TREML2: variants seen among roughly 807,000 people sequenced by gnomAD.
TREML2 encodes the protein triggering receptor expressed on myeloid cells like 2.
TREML2 carries 24 observed loss-of-function variants against 25.9 expected under a neutral mutation model. The ratio of observed to expected loss-of-function variants is 0.93; its 90% CI spans 0.67 to 1.30. TREML2 has a LOEUF of 1.30. Among genes scored for constraint, TREML2 ranks in the 50% most tolerant of loss-of-function variants. TREML2 has a pLI of 0.00. For synonymous variants in TREML2, 139 were observed against 155.2 expected, an observed-to-expected ratio of 0.90 and a Z score of 0.77; for missense variants, 359 against 395.6, an observed-to-expected ratio of 0.91 and a Z score of 0.78.
At chr6:41,192,572 C>G (rs889019129) in intron 4 of TREML2, 66 bp from the exon 5 acceptor site, 19 of 1,455,400 alleles carry the variant, frequency 1.3e-5, no homozygotes, top group Non-Finnish European at 1.6e-5. Context: ...TGCTCCTCCA[C>G]CAGCCCCAGC....
Position 41,192,083 on chromosome 6 carries a change from G to C in TREML2, c.*344C>G, listed in dbSNP as rs190411950. The C allele has an allele frequency of 6.5e-4, 186 of 285,144 alleles. 1 individual carries two copies. The highest frequency in any genetic ancestry group is 5.8e-3 in the Middle Eastern group (5 of 866). The allele number at this position is 285,144 out of a possible 1,614,324, so 17.7% of individuals were successfully genotyped here. On this transcript the variant is annotated 3_prime_UTR_variant, in exon 5 of 5. Transcript: ENST00000483722. The stretch of plus-strand genomic sequence containing the variant: ...GCCCAATAGGGTTTCTGAGGCAGAC[G>C]GGAGCTGAGGTTCTCTGTAAACAGC...
In TREML2 at chr6:41,192,230, G is replaced by T; in HGVS notation, c.*197C>A. The T allele has an allele frequency of 1.7e-6, 1 of 590,910 alleles. No individual in the cohort carries two copies. The allele number at this position is 590,910 out of a possible 1,614,324, so 36.6% of individuals were successfully genotyped here. A position where few individuals can be genotyped will look rare whatever the true frequency, so the allele number is the denominator to read the frequency against. ...CCCTTTGCTCTGGGCCCCTCCCCAGGTTCCTGCCCCCAAGGAGAACACTGG... is the reference window on the plus strand; with the variant it reads ...CCCTTTGCTCTGGGCCCCTCCCCAGTTTCCTGCCCCCAAGGAGAACACTGG... On this transcript the variant is annotated 3_prime_UTR_variant, in exon 5 of 5. Coordinates refer to ENST00000483722, the MANE Select transcript of TREML2 (RefSeq NM_024807.4).
At chr6:41,198,694 C>A (rs758337675) in intron 1 of TREML2, among the ~76,000 whole-genome samples, 2 of 152,162 alleles carry the variant, frequency 1.3e-5, no homozygotes, top group Non-Finnish European at 2.9e-5. Context: ...ATGGAGGAGG[C>A]AGGTATATCC....
In TREML2 at chr6:41,198,447, A is replaced by G. The variant is rs749644456; in HGVS notation, c.56-18T>C. The G allele has an allele frequency of 2.2e-5, 35 of 1,592,586 alleles. No homozygotes were observed. In the East Asian group the frequency reaches 2.9e-4, roughly 13 times the overall value. On this transcript the variant is annotated intron_variant, in intron 1 of 4. Transcript: ENST00000483722. The stretch of plus-strand genomic sequence containing the variant: ...AGAGGGGCCTGTGGAGACAATACTT[A>G]TTGAATAAGGTCTGGCAAGAGGAGA...
chr6:41,200,915 C>G, intron 1 of TREML2, 39 bp downstream of exon 1: 1 of 1,496,374 alleles, frequency 6.7e-7, no homozygotes, highest in Non-Finnish European at 8.9e-7. Context: ...GCCTCTGTAC[C>G]CACTCCCTCC....
chr6:41,198,409 A>C lies in TREML2; in HGVS notation c.76T>G (p.Tyr26Asp), dbSNP rs144159694. 12 of 1,612,414 alleles carry C rather than the reference A, an allele frequency of 7.4e-6. No homozygotes were observed. In the African/African-American group the frequency reaches 1.6e-4, roughly 22 times the overall value. The change falls in exon 2 of 5, where the codon TAC becomes GAC. Residue 26 changes from tyrosine to aspartate, a missense_variant. Coordinates refer to ENST00000483722, the MANE Select transcript of TREML2 (RefSeq NM_024807.4). ...CCTTCAAGGAGCCTCACTTTTGTGTATACACTGTCAGCAGAGGGGCCTGTG... is the reference window on the plus strand; with the variant it reads ...CCTTCAAGGAGCCTCACTTTTGTGTCTACACTGTCAGCAGAGGGGCCTGTG... ...CVSGPSADSV[Y>D]TKVRLLEGET...
intron 2 of TREML2, among the ~76,000 whole-genome samples, chr6:41,196,067 T>A (rs1766154866): frequency 6.6e-6 from 1 of 152,120 alleles, no homozygotes; most frequent in African/African-American, 2.4e-5. Context: ...GGAATAAGGA[T>A]TTTTTTTATT....
chr6:41,194,170 T>G lies in TREML2; in HGVS notation c.785+255A>C. 3.1e-4 allele frequency among the ~76,000 whole-genome samples: 2 copies of G among 6,438 alleles called. 1 individual carries two copies. Among genetic ancestry groups the G allele is most frequent in the African/African-American group, 1.4e-3 (2 of 1,404 alleles). The allele number at this position is 6,438 out of a possible 152,430, so 4.2% of individuals were successfully genotyped here. ...TCCCCACCCTTCTTTCCCCTGCCCC[T>G]CCTCCCCACTGACCCTCCTTTCCCC... On this transcript the variant is annotated intron_variant, in intron 3 of 4. Transcript: ENST00000483722.
At chr6:41,193,038 C>T in intron 3 of TREML2, 137 bp from the exon 4 acceptor site, 1 of 641,428 alleles carries the variant, frequency 1.6e-6, no homozygotes, top group Non-Finnish European at 2.6e-6. Context: ...CCTTACAGAC[C>T]CGGCCACAGA....
chr6:41,197,657 T>C (rs1766191943), intron 2 of TREML2, among the ~76,000 whole-genome samples: 1 of 152,226 alleles, frequency 6.6e-6, no homozygotes, highest in South Asian at 2.1e-4. Flanking sequence ...TCCTAGTTTC[T>C]TATGAACACC....
At position 41,194,564 on chromosome 6, in the gene TREML2, T is replaced by A; in HGVS notation, c.646A>T (p.Ser216Cys). 6.2e-7 allele frequency: 1 copy of A among 1,614,040 alleles called. No homozygotes were observed. Among genetic ancestry groups the A allele is most frequent in the Non-Finnish European group, 8.5e-7 (1 of 1,180,018 alleles). ...MGSQTVTASP[S>C]NARDSSAGPE... ...CCAGCAGAGGAGTCCCTGGCATTGC[T>A]GGGAGACGCGGTCACTGTCTGGGAC... The change falls in exon 3 of 5, where the codon AGC becomes TGC. Residue 216 changes from serine (S) to cysteine (C), a missense_variant. Transcript: ENST00000483722.
Position 41,192,915 on chromosome 6 carries a change from A to G in TREML2, c.786-14T>C, listed in dbSNP as rs1441138970. 6.5e-7 allele frequency: 1 copy of G among 1,549,832 alleles called. No homozygotes were observed. Among genetic ancestry groups the G allele is most frequent in the Non-Finnish European group, 8.7e-7 (1 of 1,149,836 alleles). The stretch of plus-strand genomic sequence containing the variant: ...ACATCCTGGTGCCTGAGAAGAAGGG[A>G]CAGGGTGGAAGCGGGTGAGCACCAA... On this transcript the variant is annotated splice_polypyrimidine_tract_variant and intron_variant, in intron 3 of 4. Transcript: ENST00000483722.
intron 1 of TREML2, 146 bp from the exon 2 acceptor site, chr6:41,198,575 T>C (rs1357938935): frequency 9.2e-6 from 8 of 867,018 alleles, no homozygotes; most frequent in East Asian, 2.6e-5. Context: ...CAGCCCCGCC[T>C]TCAGGGAGCT....
rs1393891679 is a variant in TREML2 at position 41,194,666 on chromosome 6, T to C, written c.544A>G (p.Thr182Ala). ...LITLPRLLAS[T>A]RPASKTGYSF... ...TAGCCTGTCTTGGAGGCAGGTCTGG[T>C]GGAGGCTAAGAGCCTAGGCAAGGTG... The change falls in exon 3 of 5, where the codon ACC becomes GCC. Residue 182 changes from threonine to alanine, a missense_variant. Transcript: ENST00000483722. 6.2e-7 allele frequency: 1 copy of C among 1,613,940 alleles called. No individual in the cohort carries two copies. Among genetic ancestry groups the C allele is most frequent in the African/African-American group, 1.3e-5 (1 of 74,988 alleles).
chr6:41,195,108 A>G (rs891475199), intron 2 of TREML2, among the ~76,000 whole-genome samples: 1 of 152,190 alleles, frequency 6.6e-6, no homozygotes, highest in African/African-American at 2.4e-5. Context: ...TTCCCTCTCC[A>G]TCCCCATCTC....
In TREML2 at chr6:41,194,781, C is replaced by G. The variant is rs1291754096; in HGVS notation, c.429G>C (p.Lys143Asn). The G allele has an allele frequency of 6.2e-7, 1 of 1,606,190 alleles. No homozygotes were observed. The highest frequency in any genetic ancestry group is 8.5e-7 in the Non-Finnish European group (1 of 1,176,326). The change falls in exon 3 of 5, where the codon AAG becomes AAC. Residue 143 changes from lysine to asparagine, a missense_variant. Coordinates refer to ENST00000483722, the MANE Select transcript of TREML2 (RefSeq NM_024807.4). ...IPFTHLDNIL[K>N]SGTVTTGQAP... Reference sequence around the variant, plus strand: ...CTTGGCCAGTTGTGACAGTTCCACTCTTGAGGATGTTGTCCAGATGTGTGA... The same window carrying G: ...CTTGGCCAGTTGTGACAGTTCCACTGTTGAGGATGTTGTCCAGATGTGTGA...
rs545095580 is a variant in TREML2, at chr6:41,201,074, G to A, written c.-66C>T. The A allele has an allele frequency of 6.3e-7, 1 of 1,584,786 alleles. No individual in the cohort carries two copies. The highest frequency in any genetic ancestry group is 1.7e-5 in the Admixed American group (1 of 59,770). ...GGTGAGGGCCCACCCGACACAGGAT[G>A]TGCCACCTGGGCCTGCCAGGGAAGG... On this transcript the variant is annotated 5_prime_UTR_variant, in exon 1 of 5. Transcript: ENST00000483722.
chr6:41,194,441 A>G lies in TREML2; in HGVS notation c.769T>C (p.Ser257Pro). Reference sequence around the variant, plus strand: ...CACAGGTACCTGATGGAGGGCATGGAGGGTAGTCTGTTGAGGAGAGATCTG... The same window carrying G: ...CACAGGTACCTGATGGAGGGCATGGGGGGTAGTCTGTTGAGGAGAGATCTG... ...TSRSLLNRLP[S>P]MPSIRHQDVY... Residue 257 changes from serine (S) to proline (P), a missense_variant, in exon 3 of 5, where the codon TCC becomes CCC. Coordinates refer to ENST00000483722, the MANE Select transcript of TREML2 (RefSeq NM_024807.4). 4 of 1,578,722 alleles carry G rather than the reference A, an allele frequency of 2.5e-6. No individual in the cohort carries two copies. The highest frequency in any genetic ancestry group is 3.4e-6 in the Non-Finnish European group (4 of 1,161,530).
intron 3 of TREML2, among the ~76,000 whole-genome samples, chr6:41,193,767 T>A (rs756138077): frequency 2.0e-5 from 3 of 150,608 alleles, no homozygotes; most frequent in Admixed American, 6.6e-5. Flanking sequence ...GACATGCTCA[T>A]CTCTGACTCT....
Sources: allele counts gnomAD v4.1 joint callset (sites outside exome capture counted in the v4.1 genomes callset), GRCh38; gene constraint gnomAD v4.1.1; transcripts MANE v1.5; gene names NCBI Gene and HGNC (gene_info 2026-07-23, HGNC 2026-07-21).